RPS6KA2: variants seen among roughly 807,000 people sequenced by gnomAD.
The protein encoded by RPS6KA2 is ribosomal protein S6 kinase alpha-2.
A neutral mutation model predicts 91.8 loss-of-function variants in RPS6KA2; 42 were observed. That is an observed-to-expected ratio of 0.46 (90% confidence interval 0.36 to 0.59). RPS6KA2 has a LOEUF of 0.59. Ranked by LOEUF, RPS6KA2 falls within the 20% of genes least tolerant of loss-of-function variation. The probability of loss-of-function intolerance (pLI) is 0.00; values close to 1 mark genes in which losing one functional copy is unlikely to be tolerated. For synonymous variants in RPS6KA2, 414 were observed against 393.6 expected, an observed-to-expected ratio of 1.05 and a Z score of -0.61; for missense variants, 798 against 978.5, an observed-to-expected ratio of 0.82 and a Z score of 2.46.
At chr6:166,614,982 C>T (rs924001697) in intron 1 of RPS6KA2, among the ~76,000 whole-genome samples, 1 of 152,132 alleles carries the variant, frequency 6.6e-6, no homozygotes, top group Non-Finnish European at 1.5e-5. Flanking sequence ...GTGGCTTTCT[C>T]GAGGAGACAT....
At chr6:166,687,764 C>T (rs1298452788) in intron 2 of RPS6KA2, among the ~76,000 whole-genome samples, 2 of 152,318 alleles carry the variant, frequency 1.3e-5, no homozygotes, top group South Asian at 2.1e-4. Context: ...ATTGCGTCGG[C>T]GGCTCTGTGT....
chr6:166,789,001 G>C (rs1171397029), intron 2 of RPS6KA2, among the ~76,000 whole-genome samples: 2 of 152,210 alleles, frequency 1.3e-5, no homozygotes, highest in African/African-American at 2.4e-5. Context: ...GGGAGTGCCA[G>C]ACAGCGGGCA....
chr6:166,653,898 T>G (rs1787934418), intron 2 of RPS6KA2, among the ~76,000 whole-genome samples: 2 of 152,226 alleles, frequency 1.3e-5, no homozygotes, highest in Non-Finnish European at 2.9e-5. Flanking sequence ...TTTCAAATGC[T>G]TACAATTGTG....
At chr6:166,503,069 T>C (rs3778430) in intron 6 of RPS6KA2, among the ~76,000 whole-genome samples, 26,840 of 152,264 alleles carry the variant, frequency 0.18, 3,004 homozygotes, top group East Asian at 0.36. Context: ...AGCTAATTTA[T>C]AGAATATTTT....
intron 2 of RPS6KA2, among the ~76,000 whole-genome samples, chr6:166,712,339 C>T (rs1435694252): frequency 6.6e-6 from 1 of 152,218 alleles, no homozygotes; most frequent in African/African-American, 2.4e-5. Context: ...GGGCAGGGGC[C>T]CCTCTGGTCC....
chr6:166,463,578 T>G (rs530355058), intron 11 of RPS6KA2: 2 of 152,270 alleles, frequency 1.3e-5, no homozygotes, highest in East Asian at 3.9e-4. Flanking sequence ...ATTCTATTTA[T>G]ACTAAAGACC....
At chr6:166,668,596 A>G (rs1788384993) in intron 2 of RPS6KA2, among the ~76,000 whole-genome samples, 1 of 152,178 alleles carries the variant, frequency 6.6e-6, no homozygotes, top group African/African-American at 2.4e-5. Context: ...GCAGCTCCTT[A>G]GACCGAGGGA....
chr6:166,612,854 C>T lies in RPS6KA2; in HGVS notation c.99+14067G>A, dbSNP rs1786237075. 1.3e-5 allele frequency among the ~76,000 whole-genome samples: 2 copies of T among 152,200 alleles called. No homozygotes were observed. Among genetic ancestry groups the T allele is most frequent in the South Asian group, 2.1e-4 (1 of 4,832 alleles). On this transcript the variant is annotated intron_variant, in intron 1 of 20. Coordinates refer to ENST00000265678, the MANE Select transcript of RPS6KA2 (RefSeq NM_021135.6). The surrounding 1 kb of genome is among the most constrained non-coding windows in gnomAD (Gnocchi z 4.3). ...CTCCTCCCTCTGGCCCTGCGCACTACGTCCCACTTGTTTCTTGACTCTTCT... is the reference window on the plus strand; with the variant it reads ...CTCCTCCCTCTGGCCCTGCGCACTATGTCCCACTTGTTTCTTGACTCTTCT...
chr6:166,773,321 G>A (rs1371358977), intron 2 of RPS6KA2, among the ~76,000 whole-genome samples: 2 of 152,122 alleles, frequency 1.3e-5, no homozygotes, highest in Non-Finnish European at 2.9e-5. Flanking sequence ...CCATCACAGG[G>A]GAGTCAGAGC....
chr6:166,845,164 C>T (rs1170560354), intron 2 of RPS6KA2, among the ~76,000 whole-genome samples: 1 of 152,248 alleles, frequency 6.6e-6, no homozygotes, highest in East Asian at 1.9e-4. Context: ...GAAAATATCA[C>T]AATCCTAAAT....
At chr6:166,567,648 T>C (rs1375810992) in intron 1 of RPS6KA2, among the ~76,000 whole-genome samples, 1 of 152,204 alleles carries the variant, frequency 6.6e-6, no homozygotes, top group Non-Finnish European at 1.5e-5. Context: ...TATAGCCCAA[T>C]GTGCATTTCA....
chr6:166,840,115 C>G (rs1780429354), intron 2 of RPS6KA2, among the ~76,000 whole-genome samples: 1 of 152,032 alleles, frequency 6.6e-6, no homozygotes, highest in Admixed American at 6.6e-5. Flanking sequence ...AAAGCTGCCC[C>G]CAAATGACTC....
chr6:166,625,320 A>ACCCCCCCCC (rs1474972568), intron 1 of RPS6KA2, among the ~76,000 whole-genome samples: 2 of 22,620 alleles, frequency 8.8e-5, no homozygotes, highest in African/African-American at 2.1e-4. Context: ...TCCTATTCCC[A>ACCCCCCCCC]CCACCCCCCC....
intron 1 of RPS6KA2, among the ~76,000 whole-genome samples, chr6:166,620,703 T>C (rs1786592429): frequency 6.6e-6 from 1 of 152,228 alleles, no homozygotes; most frequent in Non-Finnish European, 1.5e-5. Flanking sequence ...GTCAGCTTTG[T>C]GCAACACCAC....
chr6:166,851,260 C>T (rs1227686092), intron 2 of RPS6KA2, among the ~76,000 whole-genome samples: 1 of 152,176 alleles, frequency 6.6e-6, no homozygotes, highest in Non-Finnish European at 1.5e-5. Flanking sequence ...GGGGCTCAGA[C>T]CTGGGAGGCC....
chr6:166,476,060 C>T, intron 10 of RPS6KA2, among the ~76,000 whole-genome samples: 1 of 152,140 alleles, frequency 6.6e-6, no homozygotes, highest in East Asian at 1.9e-4. Flanking sequence ...TATAATGAGT[C>T]CGGCATCAGC....
chr6:166,540,710 C>A (rs975579816), intron 1 of RPS6KA2, among the ~76,000 whole-genome samples: 1 of 152,158 alleles, frequency 6.6e-6, no homozygotes, highest in Non-Finnish European at 1.5e-5. Flanking sequence ...AATTGCAGGA[C>A]CATGCTAGCC....
intron 2 of RPS6KA2, among the ~76,000 whole-genome samples, chr6:166,663,637 T>C (rs1235127166): frequency 6.6e-6 from 1 of 152,102 alleles, no homozygotes; most frequent in Non-Finnish European, 1.5e-5. Context: ...CTACCATCCC[T>C]CTAAGAACAT....
At position 166,459,581 on chromosome 6, in the gene RPS6KA2, A is replaced by G. The variant is rs760306165; in HGVS notation, c.973-30T>C. 1.8e-5 allele frequency: 28 copies of G among 1,520,364 alleles called. No homozygotes were observed. The highest frequency in any genetic ancestry group is 2.6e-5 in the Non-Finnish European group (28 of 1,096,794). The allele number at this position is 1,520,364 out of a possible 1,614,324, so 94.2% of individuals were successfully genotyped here. On this transcript the variant is annotated intron_variant, in intron 11 of 20. Coordinates refer to ENST00000265678, the MANE Select transcript of RPS6KA2 (RefSeq NM_021135.6). This position sits in a 1 kb window ranked among gnomAD's most constrained non-coding sequence, Gnocchi z 4.9. ...TAATACAAGGAAAGCAAGACAGGGC[A>G]CTGAGGATGCACAGACATTGCCACA...
Sources: gnomAD v4.1 joint callset for allele counts (sites outside exome capture counted in the v4.1 genomes callset) on GRCh38, gnomAD v4.1.1 for gene constraint, Gnocchi (gnomAD v3.1) non-coding constraint, MANE v1.5 for transcripts, NCBI Gene and HGNC (gene_info 2026-07-23, HGNC 2026-07-21) for gene names.